Variants in ZNF106 observed in about 807,000 individuals in gnomAD.
The protein encoded by ZNF106 is SH3-domain binding protein 3.
A neutral mutation model predicts 195.1 loss-of-function variants in ZNF106; 67 were observed. The ratio of observed to expected loss-of-function variants is 0.34; its 90% CI spans 0.28 to 0.42. The LOEUF is 0.42. Ranked by LOEUF, ZNF106 falls within the 10% of genes least tolerant of loss-of-function variation. The pLI is 1.00. For missense variants in ZNF106, 2,118 were observed against 2,304.5 expected, an observed-to-expected ratio of 0.92 and a Z score of 1.66; for synonymous variants, 784 against 818.6, an observed-to-expected ratio of 0.96 and a Z score of 0.72.
intron 13 of ZNF106, 146 bp from the exon 14 acceptor site, chr15:42,435,664 A>G: frequency 1.0e-6 from 1 of 953,562 alleles, no homozygotes; most frequent in Non-Finnish European, 1.6e-6. Context: ...AAAGATGCTC[A>G]GTAAATGTAT....
intron 2 of ZNF106, 46 bp from the exon 3 acceptor site, chr15:42,466,160 G>GAAA: frequency 3.0e-5 from 34 of 1,151,528 alleles, no homozygotes; most frequent in Admixed American, 1.9e-4. Flanking sequence ...GGATTGCTTT[G>GAAA]AAAAAAAAAA....
chr15:42,419,949 C>CA (rs1400265373), intron 20 of ZNF106, among the ~76,000 whole-genome samples: 4 of 152,088 alleles, frequency 2.6e-5, no homozygotes, highest in Non-Finnish European at 2.9e-5. Context: ...GATTCTGTCT[C>CA]AAAAAACAAA....
In ZNF106 at chr15:42,422,513, G is replaced by T; in HGVS notation, c.5361C>A (p.Val1787=). ...ATCTAAATTCTACCTGTAATTCATA[G>T]ACACGAACAAATTTATCCAGGCAAG... ...VTACLDKFVR[V]YELQSHDRLQ... is the part of the protein sequence containing the mutation. The change falls in exon 18 of 22, where the codon GTC becomes GTA. Residue 1787 remains valine, a synonymous_variant. Coordinates refer to ENST00000564754, the MANE Select transcript of ZNF106 (RefSeq NM_001366845.3). 3 of 1,612,718 alleles carry T rather than the reference G, an allele frequency of 1.9e-6. No individual in the cohort carries two copies. Among genetic ancestry groups the T allele is most frequent in the Non-Finnish European group, 1.7e-6 (2 of 1,179,762 alleles).
At chr15:42,436,431 A>AT (rs1198283847) in intron 13 of ZNF106, among the ~76,000 whole-genome samples, 1 of 150,578 alleles carries the variant, frequency 6.6e-6, no homozygotes, top group African/African-American at 2.4e-5. Context: ...GTTAATCCTC[A>AT]TATCATTAAG....
rs2055136143 is a variant in ZNF106 at position 42,433,441 on chromosome 15, A to G, written c.4881+1943T>C. On this transcript the variant is annotated intron_variant, in intron 14 of 21. Coordinates refer to ENST00000564754, the MANE Select transcript of ZNF106 (RefSeq NM_001366845.3). ...TTTAGCTCACCATTTTAATTCCTCA[A>G]TTGACTTTCTAAGCTCAATTTCTTT... Among the ~76,000 whole-genome samples, 6 of 147,504 alleles carry G rather than the reference A, an allele frequency of 4.1e-5. No individual in the cohort carries two copies. The South Asian group carries it at 8.6e-4, about 21-fold the overall frequency.
chr15:42,425,836 G>A (rs190159627), intron 15 of ZNF106: 1 of 152,306 alleles, frequency 6.6e-6, no homozygotes, highest in East Asian at 1.9e-4. Flanking sequence ...CTGGTTCCAT[G>A]TCATCTCTCA....
intron 1 of ZNF106, among the ~76,000 whole-genome samples, chr15:42,482,865 T>A (rs946861530): frequency 1.3e-5 from 2 of 152,140 alleles, no homozygotes; most frequent in Non-Finnish European, 2.9e-5. Flanking sequence ...TGGGCTTCTT[T>A]GGAGTCTGCT....
chr15:42,462,960 G>T (rs1355652167), intron 3 of ZNF106, among the ~76,000 whole-genome samples: 8 of 123,954 alleles, frequency 6.5e-5, no homozygotes, highest in African/African-American at 2.6e-4. Context: ...TTTTTGTTTT[G>T]TTTTTTGTTT....
At position 42,462,364 on chromosome 15, in the gene ZNF106, G is replaced by A. The variant is rs557275796; in HGVS notation, c.116+3689C>T. ...TGTAATCCCAGCACTTTGGGAGGCC[G>A]AGGCAGGTGGATCATCTGAGGTCAG... On this transcript the variant is annotated intron_variant, in intron 3 of 21. Transcript: ENST00000564754. Among the ~76,000 whole-genome samples, 291 of 152,282 alleles carry A rather than the reference G, an allele frequency of 1.9e-3. 1 individual carries two copies. The highest frequency in any genetic ancestry group is 6.7e-3 in the African/African-American group (278 of 41,558).
In ZNF106 at chr15:42,437,249, G is replaced by A. The variant is rs769672088; in HGVS notation, c.4729C>T (p.Arg1577Trp). 44 of 1,611,652 alleles carry A rather than the reference G, an allele frequency of 2.7e-5. No individual in the cohort carries two copies. Among genetic ancestry groups the A allele is most frequent in the Middle Eastern group, 1.6e-4 (1 of 6,074 alleles). ...CAACTTACCACCAGATTATAAACCC[G>A]AACAGTTTTATCTGCTGAACAGGTA... ...LYTCSADKTV[R>W]VYNLVSRKCI... Residue 1577 changes from arginine to tryptophan, a missense_variant, in exon 13 of 22, where the codon CGG becomes TGG. Transcript: ENST00000564754.
chr15:42,447,327 C>A (rs78749029), intron 6 of ZNF106, among the ~76,000 whole-genome samples: 4,782 of 152,078 alleles, frequency 0.031, 201 homozygotes, highest in African/African-American at 0.095. Flanking sequence ...GCAGTATGGA[C>A]AACATTGTGA....
intron 7 of ZNF106, 21 bp from the exon 8 acceptor site, chr15:42,445,002 G>C (rs772344481): frequency 1.2e-6 from 2 of 1,613,630 alleles, no homozygotes; most frequent in Non-Finnish European, 1.7e-6. Flanking sequence ...AAATCATAAG[G>C]TTCAGGTTAA....
intron 3 of ZNF106, among the ~76,000 whole-genome samples, chr15:42,458,439 G>A (rs2056301458): frequency 1.3e-5 from 2 of 151,726 alleles, no homozygotes; most frequent in East Asian, 1.9e-4. Context: ...CGGGCTTGGT[G>A]GGGCTCACGC....
chr15:42,433,477 T>C (rs995204264), intron 14 of ZNF106, among the ~76,000 whole-genome samples: 1 of 129,288 alleles, frequency 7.7e-6, no homozygotes, highest in Non-Finnish European at 1.6e-5. Flanking sequence ...GCATTGTTCT[T>C]TTTTTTTTCT....
intron 5 of ZNF106, among the ~76,000 whole-genome samples, chr15:42,449,563 AT>A (rs555209278): frequency 6.6e-6 from 1 of 152,158 alleles, no homozygotes; most frequent in South Asian, 2.1e-4. Flanking sequence ...GTGTGCTTCC[AT>A]TTTAACCTGC....
rs188858289 is a variant in ZNF106 at position 42,466,634 on chromosome 15, C to T, written c.55-520G>A. Among the ~76,000 whole-genome samples, 318 of 152,296 alleles carry T rather than the reference C, an allele frequency of 2.1e-3. 2 individuals carry two copies. Among genetic ancestry groups the T allele is most frequent in the South Asian group, 3.7e-3 (18 of 4,828 alleles). ...ATCAATTCTAGATAGGAGTTACAAA[C>T]ATAACAGAGCCTCTCTATGCTAGAT... On this transcript the variant is annotated intron_variant, in intron 2 of 21. Coordinates refer to ENST00000564754, the MANE Select transcript of ZNF106 (RefSeq NM_001366845.3).
intron 5 of ZNF106, among the ~76,000 whole-genome samples, chr15:42,449,284 G>A (rs2055893111): frequency 6.6e-6 from 1 of 152,118 alleles, no homozygotes; most frequent in South Asian, 2.1e-4. Flanking sequence ...TATTACACAA[G>A]CGCTTAAGAG....
chr15:42,417,282 C>T lies in ZNF106; in HGVS notation c.*22G>A. Reference sequence around the variant, plus strand: ...TGAAAATAGTTCAACTAATGACTTCCCAACGTGGGAGGCAAAAAACTTCAT... The same window carrying T: ...TGAAAATAGTTCAACTAATGACTTCTCAACGTGGGAGGCAAAAAACTTCAT... On this transcript the variant is annotated 3_prime_UTR_variant, in exon 22 of 22. Coordinates refer to ENST00000564754, the MANE Select transcript of ZNF106 (RefSeq NM_001366845.3). The T allele has an allele frequency of 1.2e-6, 2 of 1,613,890 alleles. No individual in the cohort carries two copies. The highest frequency in any genetic ancestry group is 8.5e-7 in the Non-Finnish European group (1 of 1,179,876).
rs755186616 is a variant in ZNF106 at position 42,439,332 on chromosome 15, T to C, written c.4245A>G (p.Lys1415=). 6.2e-7 allele frequency: 1 copy of C among 1,614,058 alleles called. No individual in the cohort carries two copies. ...VRKVKAGKLI[K]GGKVTTSTWE... is the part of the protein sequence containing the mutation. The stretch of plus-strand genomic sequence containing the variant: ...AAGTGGAGGTTGTTACTTTCCCCCC[T>C]TTAATTAACTTTCCAGCTTTTACTT... Residue 1415 remains lysine (K), a synonymous_variant, in exon 11 of 22, where the codon AAA becomes AAG. Coordinates refer to ENST00000564754, the MANE Select transcript of ZNF106 (RefSeq NM_001366845.3).
Sources: allele counts gnomAD v4.1 joint callset (sites outside exome capture counted in the v4.1 genomes callset), GRCh38; gene constraint gnomAD v4.1.1; transcripts MANE v1.5; gene names NCBI Gene and HGNC (gene_info 2026-07-23, HGNC 2026-07-21).